WDR93: variants seen among roughly 807,000 people sequenced by gnomAD.
WDR93 encodes WD repeat domain 93.
In WDR93, 73 loss-of-function variants were observed where a neutral mutation model predicts 82.9. The observed-to-expected ratio is 0.88, with a 90% CI of 0.73 to 1.07. WDR93 has a LOEUF of 1.07. Among genes scored for constraint, WDR93 ranks in the 50% least tolerant of loss-of-function variants. WDR93 has a pLI of 0.00. For missense variants in WDR93, 738 were observed against 826.0 expected (o/e 0.89, Z 1.31); for synonymous variants, 283 against 300.1 (o/e 0.94, Z 0.59).
At chr15:89,737,392 G>C (rs1461727167) in intron 14 of WDR93, among the ~76,000 whole-genome samples, 181 bp from the exon 15 acceptor site, 2 of 152,210 alleles carry the variant, frequency 1.3e-5, no homozygotes, top group African/African-American at 4.8e-5. Flanking sequence ...GGCTGAGGGG[G>C]ACCCCAAGCA....
In WDR93 at chr15:89,731,471, G is replaced by A. The variant is rs533988511; in HGVS notation, c.1239G>A (p.Ala413=). 99 of 1,614,146 alleles carry A rather than the reference G, an allele frequency of 6.1e-5. 1 individual carries two copies. In the Middle Eastern group the frequency reaches 6.6e-4, roughly 11 times the overall value. ...CCGAGGGTGTGTGGCCCTGTGCTGC[G>A]CCCATTGCAGTCTCTCAGCTCAGCT... is the stretch of plus-strand genomic sequence containing the variant. ...ADPEGVWPCA[A]PIAVSQLSCS... The change falls in exon 12 of 17, where the codon GCG becomes GCA. Residue 413 remains alanine, a synonymous_variant. Transcript: ENST00000268130.
At chr15:89,734,020 C>T (rs976973555) in intron 13 of WDR93, among the ~76,000 whole-genome samples, 3 of 151,904 alleles carry the variant, frequency 2.0e-5, no homozygotes, top group Non-Finnish European at 4.4e-5. Context: ...TGTGCGCGCG[C>T]GCATGTGTGT....
intron 8 of WDR93, 47 bp downstream of exon 8, chr15:89,722,186 T>C (rs1966555670): frequency 7.5e-7 from 1 of 1,326,554 alleles, no homozygotes; most frequent in Non-Finnish European, 1.1e-6. Context: ...ATTTATCTGT[T>C]CTTTCTTCCT....
chr15:89,724,175 CA>C (rs35502769), intron 8 of WDR93, among the ~76,000 whole-genome samples: 4 of 150,052 alleles, frequency 2.7e-5, no homozygotes, highest in Non-Finnish European at 4.4e-5. Context: ...CCCATCTCCA[CA>C]AAAAAAAATA....
intron 5 of WDR93, among the ~76,000 whole-genome samples, chr15:89,713,738 G>A (rs1966110098): frequency 6.6e-6 from 1 of 152,128 alleles, no homozygotes; most frequent in African/African-American, 2.4e-5. Flanking sequence ...CTCTGAAAGT[G>A]CTAGGATTAC....
At position 89,729,670 on chromosome 15, in the gene WDR93, GC is replaced by G. The variant is rs750942533; in HGVS notation, c.1124-6del. ...AACACCCATTTTCTGTCTTTCCCCC[GC>G]CCCCCCACCAGGAATGGCCTGTGTC... On this transcript the variant is annotated splice_polypyrimidine_tract_variant and intron_variant, in intron 10 of 16. Transcript: ENST00000268130. 2.5e-5 allele frequency: 40 copies of G among 1,602,440 alleles called. No homozygotes were observed. The highest frequency in any genetic ancestry group is 4.1e-5 in the African/African-American group (3 of 72,972).
intron 12 of WDR93, among the ~76,000 whole-genome samples, chr15:89,732,574 T>C (rs1966872413): frequency 6.6e-6 from 1 of 152,000 alleles, no homozygotes; most frequent in Non-Finnish European, 1.5e-5. Flanking sequence ...CAAAATAGCT[T>C]GTTTTCATTT....
At chr15:89,721,476 C>T (rs1366857318) in intron 7 of WDR93, 1 of 152,548 alleles carries the variant, frequency 6.6e-6, no homozygotes, top group East Asian at 1.9e-4. Context: ...ATTGCTTAAG[C>T]TCAGGAGGTC....
At chr15:89,727,752 ATTT>A (rs1036257104) in intron 9 of WDR93, among the ~76,000 whole-genome samples, 4 of 151,960 alleles carry the variant, frequency 2.6e-5, no homozygotes, top group Admixed American at 1.3e-4. Context: ...AGCTCTAAAA[ATTT>A]TTTTTTCTTT....
At chr15:89,691,880 A>C (rs8039119) in intron 1 of WDR93, among the ~76,000 whole-genome samples, 1 of 152,130 alleles carries the variant, frequency 6.6e-6, no homozygotes, top group East Asian at 1.9e-4. Context: ...AACAAATTGT[A>C]AAGTAAAATA....
chr15:89,711,077 C>T (rs1467274659), intron 4 of WDR93, among the ~76,000 whole-genome samples: 1 of 152,140 alleles, frequency 6.6e-6, no homozygotes, highest in Non-Finnish European at 1.5e-5. Flanking sequence ...CAACTGTCAA[C>T]CTTAACATTA....
intron 16 of WDR93, among the ~76,000 whole-genome samples, chr15:89,739,069 T>C (rs1032228373): frequency 4.3e-4 from 64 of 150,532 alleles, no homozygotes; most frequent in African/African-American, 1.5e-3. Flanking sequence ...TGAGCCAAGA[T>C]CGTGCCATTG....
chr15:89,702,070 C>T (rs924969901), intron 2 of WDR93, 21 bp downstream of exon 2: 4 of 1,580,518 alleles, frequency 2.5e-6, no homozygotes, highest in Non-Finnish European at 3.4e-6. Context: ...AGCAGTTGAC[C>T]AGGAGCCCCT....
intron 8 of WDR93, among the ~76,000 whole-genome samples, chr15:89,725,435 C>A (rs568973329): frequency 6.6e-6 from 1 of 151,936 alleles, no homozygotes; most frequent in African/African-American, 2.4e-5. Context: ...TAAATAAATG[C>A]AATGAAGTGG....
intron 12 of WDR93, among the ~76,000 whole-genome samples, chr15:89,732,091 GA>G (rs1365305912): frequency 1.8e-4 from 28 of 152,220 alleles, no homozygotes; most frequent in African/African-American, 6.5e-4. Flanking sequence ...CAGCTTTGCA[GA>G]TACAGAAATC....
rs1567108954 is a variant in WDR93, at chr15:89,712,107, A to C, written c.640+3A>C. The C allele has an allele frequency of 1.9e-6, 3 of 1,610,642 alleles. No individual in the cohort carries two copies. Among genetic ancestry groups the C allele is most frequent in the Admixed American group, 3.3e-5 (2 of 59,776 alleles). On this transcript the variant is annotated splice_donor_region_variant and intron_variant, in intron 5 of 16. Coordinates refer to ENST00000268130, the MANE Select transcript of WDR93 (RefSeq NM_020212.2). ...CTTTGCAGCCTTCCTCCTACAAGGC[A>C]AGATTAACCAAAGACTGTTAAGGTT...
intron 12 of WDR93, 102 bp downstream of exon 12, chr15:89,731,664 T>A: frequency 6.6e-7 from 1 of 1,518,988 alleles, no homozygotes; most frequent in Non-Finnish European, 8.9e-7. Context: ...CTGTTACCTC[T>A]GTGTTCTTAA....
At chr15:89,713,285 A>G (rs1966085499) in intron 5 of WDR93, among the ~76,000 whole-genome samples, 1 of 152,148 alleles carries the variant, frequency 6.6e-6, no homozygotes, top group East Asian at 1.9e-4. Flanking sequence ...TTTACCCACC[A>G]ATCTCAGCAC....
chr15:89,711,914 G>A (rs1965996768), intron 4 of WDR93, 112 bp from the exon 5 acceptor site: 1 of 643,884 alleles, frequency 1.6e-6, no homozygotes, highest in Admixed American at 3.4e-5. Context: ...ATCTTTTCAT[G>A]TCCCAAGGTT....
Sources: allele counts gnomAD v4.1 joint callset (sites outside exome capture counted in the v4.1 genomes callset), GRCh38; gene constraint gnomAD v4.1.1; transcripts MANE v1.5; gene names NCBI Gene and HGNC (gene_info 2026-07-23, HGNC 2026-07-21).